TMEM225B: variants seen among roughly 807,000 people sequenced by gnomAD.
TMEM225B encodes the protein transmembrane protein 225-like.
A neutral mutation model predicts 16.9 loss-of-function variants in TMEM225B; 10 were observed. The observed-to-expected ratio is 0.59, with a 90% CI of 0.36 to 1.00. TMEM225B has a LOEUF of 1.00. TMEM225B is among the 50% of genes least tolerant of loss of function. The probability of loss-of-function intolerance (pLI) is 0.01; values close to 1 mark genes in which losing one functional copy is unlikely to be tolerated. For missense variants in TMEM225B, 217 were observed against 267.0 expected, an observed-to-expected ratio of 0.81 and a Z score of 1.30; for synonymous variants, 92 against 109.8, an observed-to-expected ratio of 0.84 and a Z score of 1.01.
chr7:99,598,193 C>T (rs570754167), upstream of TMEM225B: 1 of 152,394 alleles, frequency 6.6e-6, no homozygotes, highest in East Asian at 1.9e-4. Context: ...GGAGCTGGAG[C>T]TCCGCTCAGA....
intron 2 of TMEM225B, among the ~76,000 whole-genome samples, chr7:99,602,013 T>C (rs757841363): frequency 6.6e-6 from 1 of 152,220 alleles, no homozygotes; most frequent in Non-Finnish European, 1.5e-5. Flanking sequence ...TTGAAAACCG[T>C]GATGCTGCCA....
chr7:99,603,886 C>G (rs954161114), intron 2 of TMEM225B, among the ~76,000 whole-genome samples: 5 of 151,916 alleles, frequency 3.3e-5, no homozygotes, highest in African/African-American at 1.2e-4. Flanking sequence ...CCTCAGGCTT[C>G]TGAGTAGCTG....
At chr7:99,598,573 T>C (rs1231058524) in intron 1 of TMEM225B, among the ~76,000 whole-genome samples, 192 bp downstream of exon 1, 1 of 152,104 alleles carries the variant, frequency 6.6e-6, no homozygotes, top group Non-Finnish European at 1.5e-5. Flanking sequence ...AAAATATCCC[T>C]ATGGCTTTGG....
At chr7:99,606,673 G>A in intron 3 of TMEM225B, 75 bp from the exon 4 acceptor site, 1 of 1,435,706 alleles carries the variant, frequency 7.0e-7, no homozygotes, top group South Asian at 1.3e-5. Context: ...GGCCAGCCCT[G>A]CCCAGGCTCT....
At chr7:99,607,518 G>A (rs929531634) in intron 4 of TMEM225B, among the ~76,000 whole-genome samples, 155 bp from the exon 5 acceptor site, 5 of 152,206 alleles carry the variant, frequency 3.3e-5, no homozygotes, top group African/African-American at 1.2e-4. Context: ...AGATGAGTCA[G>A]AAAGGAGGGA....
At position 99,610,677 on chromosome 7, in the gene TMEM225B, G is replaced by C; in HGVS notation, c.*112G>C. 2.3e-6 allele frequency: 2 copies of C among 862,234 alleles called. No homozygotes were observed. The highest frequency in any genetic ancestry group is 3.5e-6 in the Non-Finnish European group (2 of 572,112). The allele number at this position is 862,234 out of a possible 1,614,324, so 53.4% of individuals were successfully genotyped here. A position where few individuals can be genotyped will look rare whatever the true frequency, so the allele number is the denominator to read the frequency against. On this transcript the variant is annotated 3_prime_UTR_variant, in exon 6 of 6. Coordinates refer to ENST00000431679, the MANE Select transcript of TMEM225B (RefSeq NM_001195541.3). ...TATCTGTGCCTTTGAGGAGCTTCTTGCGTGTCAGATCAACTCTCCACCTCC... is the reference window on the plus strand; with the variant it reads ...TATCTGTGCCTTTGAGGAGCTTCTTCCGTGTCAGATCAACTCTCCACCTCC...
rs556072403 is a variant in TMEM225B at position 99,604,049 on chromosome 7, C to G, written c.-3-337C>G. 2.0e-5 allele frequency among the ~76,000 whole-genome samples: 3 copies of G among 152,196 alleles called. No homozygotes were observed. In the South Asian group the frequency reaches 6.2e-4, roughly 32 times the overall value. On this transcript the variant is annotated intron_variant, in intron 2 of 5. Transcript: ENST00000431679. ...GGATTGCAGGTGTGAACCACCGCAC[C>G]CAGCTGAAAGTTGAGAACTTTAAAG...
At chr7:99,610,319 T>C (rs1679425410) in intron 5 of TMEM225B, 74 bp from the exon 6 acceptor site, 1 of 1,169,858 alleles carries the variant, frequency 8.5e-7, no homozygotes, top group Admixed American at 2.3e-5. Flanking sequence ...GCTCTGGAGC[T>C]AGAGGGACCT....
chr7:99,601,503 G>A (rs905292737), intron 2 of TMEM225B, among the ~76,000 whole-genome samples: 24 of 152,190 alleles, frequency 1.6e-4, no homozygotes, highest in Non-Finnish European at 4.4e-5. Flanking sequence ...TGAGGTGGGA[G>A]GATCACTTGT....
intron 5 of TMEM225B, among the ~76,000 whole-genome samples, chr7:99,608,027 G>C (rs2151217389): frequency 6.6e-6 from 1 of 152,334 alleles, no homozygotes; most frequent in East Asian, 1.9e-4. Flanking sequence ...GGCCGAGATG[G>C]GTGGATCACT....
At chr7:99,600,797 G>A (rs1408510417) in intron 2 of TMEM225B, among the ~76,000 whole-genome samples, 1 of 152,156 alleles carries the variant, frequency 6.6e-6, no homozygotes, top group Non-Finnish European at 1.5e-5. Context: ...CAGGTACAGA[G>A]GCCAGAGGAG....
Position 99,607,766 on chromosome 7 carries a change from C to G in TMEM225B, c.449C>G (p.Pro150Arg). The change falls in exon 5 of 6, where the codon CCT becomes CGT. Residue 150 changes from proline (P) to arginine (R), a missense_variant. Coordinates refer to ENST00000431679, the MANE Select transcript of TMEM225B (RefSeq NM_001195541.3). ...CCCCTGCAGTTCTCCGTGCTGTGGCCTTACTACGTGCTGGGCTTCGGCATC... is the reference window on the plus strand; with the variant it reads ...CCCCTGCAGTTCTCCGTGCTGTGGCGTTACTACGTGCTGGGCTTCGGCATC... ...LGPLQFSVLW[P>R]YYVLGFGIFL... 2 of 1,536,094 alleles carry G rather than the reference C, an allele frequency of 1.3e-6. No individual in the cohort carries two copies. Among genetic ancestry groups the G allele is most frequent in the Non-Finnish European group, 8.7e-7 (1 of 1,146,898 alleles).
intron 1 of TMEM225B, 72 bp from the exon 2 acceptor site, chr7:99,600,133 C>T (rs1805233111): frequency 1.4e-6 from 1 of 697,054 alleles, no homozygotes; most frequent in Admixed American, 2.0e-5. Flanking sequence ...TATACCTGGC[C>T]CCAAAGTAAC....
rs1403987005 is a variant in TMEM225B, at chr7:99,604,645, G to A, written c.208+49G>A. 3 of 1,426,384 alleles carry A rather than the reference G, an allele frequency of 2.1e-6. No homozygotes were observed. In the African/African-American group the frequency reaches 4.2e-5, roughly 20 times the overall value. The allele number at this position is 1,426,384 out of a possible 1,614,324, so 88.4% of individuals were successfully genotyped here. On this transcript the variant is annotated intron_variant, in intron 3 of 5. Coordinates refer to ENST00000431679, the MANE Select transcript of TMEM225B (RefSeq NM_001195541.3). ...GGAGAGAGAGGGAGATGGGGCCAGT[G>A]TTGGGACAGAGGTGGGGGGTGAAAG...
chr7:99,607,025 TTA>T, intron 4 of TMEM225B, 131 bp downstream of exon 4: 4 of 1,009,566 alleles, frequency 4.0e-6, no homozygotes, highest in South Asian at 1.7e-5. Flanking sequence ...TCTCACTCTG[TTA>T]CCCAGGCTGG....
chr7:99,599,985 C>A lies in TMEM225B; in HGVS notation c.-84-220C>A, dbSNP rs916888573. Among the ~76,000 whole-genome samples the A allele has an allele frequency of 3.9e-4, 60 of 152,202 alleles. 2 individuals are homozygous for A. The highest frequency in any genetic ancestry group is 1.3e-4 in the Admixed American group (2 of 15,276). On this transcript the variant is annotated intron_variant, in intron 1 of 5. Coordinates refer to ENST00000431679, the MANE Select transcript of TMEM225B (RefSeq NM_001195541.3). ...TGAAGTTGTGTATCCGAAGATGTAA[C>A]CTTGTCCAGTGCTGGCACTAAGGGC...
chr7:99,600,319 G>T, intron 2 of TMEM225B, 34 bp downstream of exon 2: 1 of 702,796 alleles, frequency 1.4e-6, no homozygotes, highest in South Asian at 1.5e-5. Flanking sequence ...TGAGGGAGTG[G>T]CTGGGAGGGC....
intron 5 of TMEM225B, 146 bp from the exon 6 acceptor site, chr7:99,610,247 G>A (rs1212282132): frequency 3.6e-5 from 21 of 577,058 alleles, no homozygotes; most frequent in East Asian, 8.3e-5. Context: ...GTCCTTTGAC[G>A]CATCCTGTCT....
intron 2 of TMEM225B, among the ~76,000 whole-genome samples, chr7:99,602,334 A>G (rs1366126105): frequency 6.6e-6 from 1 of 152,174 alleles, no homozygotes. Context: ...ATTTGTCCTG[A>G]AGTTGGGTGT....
Sources: allele counts gnomAD v4.1 joint callset (sites outside exome capture counted in the v4.1 genomes callset), GRCh38; gene constraint gnomAD v4.1.1; transcripts MANE v1.5; gene names NCBI Gene and HGNC (gene_info 2026-07-23, HGNC 2026-07-21).